Variants in EPS15L1 observed in about 807,000 individuals in gnomAD.
EPS15L1 encodes the protein epidermal growth factor receptor substrate 15-like 1.
A neutral mutation model predicts 117.1 loss-of-function variants in EPS15L1; 43 were observed. That is an observed-to-expected ratio of 0.37 (90% CI 0.29 to 0.47). The LOEUF is 0.47. EPS15L1 is among the 20% of genes least tolerant of loss of function. The pLI, the probability that EPS15L1 is intolerant of heterozygous loss-of-function variation, is 0.99. For synonymous variants in EPS15L1, 459 were observed against 470.5 expected, an observed-to-expected ratio of 0.98 and a Z score of 0.32; for missense variants, 981 against 1,164.0, an observed-to-expected ratio of 0.84 and a Z score of 2.29.
Position 16,375,382 on chromosome 19 carries a change from A to G in EPS15L1, c.2380+1740T>C, listed in dbSNP as rs115358821. 7.9e-3 allele frequency among the ~76,000 whole-genome samples: 1,200 copies of G among 152,156 alleles called. 12 individuals carry two copies. The highest frequency in any genetic ancestry group is 0.028 in the African/African-American group (1,159 of 41,570). On this transcript the variant is annotated intron_variant, in intron 22 of 23. Coordinates refer to ENST00000455140, the MANE Select transcript of EPS15L1 (RefSeq NM_001258374.3). ...AGAGCATACACGTGTACGTGCACAT[A>G]CATGCATAAAAATACATGGCCGCAC...
chr19:16,411,669 CAT>C (rs1334347240), intron 13 of EPS15L1, among the ~76,000 whole-genome samples: 1 of 152,196 alleles, frequency 6.6e-6, no homozygotes, highest in Non-Finnish European at 1.5e-5. Context: ...ATAACCTACA[CAT>C]GTCCCCTACC....
At chr19:16,431,611 A>G (rs148354438) in intron 7 of EPS15L1, among the ~76,000 whole-genome samples, 1 of 152,286 alleles carries the variant, frequency 6.6e-6, no homozygotes, top group African/African-American at 2.4e-5. Flanking sequence ...CAGAAGGAAT[A>G]AGTTCTAAAG....
chr19:16,401,704 G>C (rs74394451), intron 16 of EPS15L1: 9 of 985,406 alleles, frequency 9.1e-6, no homozygotes, highest in Non-Finnish European at 1.1e-5. Context: ...AAATGTAAGG[G>C]GCCGACAGTC....
chr19:16,414,646 G>A (rs1039930796), intron 12 of EPS15L1, among the ~76,000 whole-genome samples: 5 of 151,522 alleles, frequency 3.3e-5, no homozygotes, highest in Non-Finnish European at 5.9e-5. Flanking sequence ...TGATCCGCCC[G>A]CCTCAGCCTC....
At chr19:16,375,312 G>A (rs2092280698) in intron 22 of EPS15L1, among the ~76,000 whole-genome samples, 1 of 151,990 alleles carries the variant, frequency 6.6e-6, no homozygotes, top group South Asian at 2.1e-4. Flanking sequence ...GCATGTGTCT[G>A]CAGGCGTGGA....
intron 23 of EPS15L1, among the ~76,000 whole-genome samples, chr19:16,359,849 C>T (rs1240366856): frequency 1.3e-5 from 2 of 150,642 alleles, no homozygotes; most frequent in Non-Finnish European, 2.9e-5. Flanking sequence ...GGCAACAGAG[C>T]GAGACTCATC....
In EPS15L1 at chr19:16,404,815, G is replaced by A. The variant is rs1040578655; in HGVS notation, c.1267-66C>T. ...ATGAAGCATGTCCAAGATAACGGGG[G>A]GCAGCCTGGGCCAGAAGTCCAGGGG... On this transcript the variant is annotated intron_variant, in intron 13 of 23. Transcript: ENST00000455140. The surrounding 1 kb of genome is among the most constrained non-coding windows in gnomAD (Gnocchi z 4.2). 6.4e-7 allele frequency: 1 copy of A among 1,565,530 alleles called. No homozygotes were observed. The highest frequency in any genetic ancestry group is 1.2e-5 in the South Asian group (1 of 86,770).
chr19:16,381,246 G>A lies in EPS15L1; in HGVS notation c.2247+3883C>T, dbSNP rs774248284. The stretch of plus-strand genomic sequence containing the variant: ...TCAGCACCTCTGCCTTACACACAAG[G>A]AAACTGAGGCACACAAAGGAGGCGC... On this transcript the variant is annotated intron_variant, in intron 21 of 23. Transcript: ENST00000455140. This position sits in a 1 kb window ranked among gnomAD's most constrained non-coding sequence, Gnocchi z 4.2. Among the ~76,000 whole-genome samples the A allele has an allele frequency of 4.6e-5, 7 of 152,266 alleles. No homozygotes were observed. The highest frequency in any genetic ancestry group is 7.3e-5 in the Non-Finnish European group (5 of 68,042).
At chr19:16,363,690 C>T (rs1372987380) in intron 22 of EPS15L1, among the ~76,000 whole-genome samples, 2 of 152,192 alleles carry the variant, frequency 1.3e-5, no homozygotes, top group South Asian at 2.1e-4. Context: ...AACAAGGTGA[C>T]ATTCCTGGGG....
rs369450961 is a variant in EPS15L1 at position 16,422,229 on chromosome 19, G to A, written c.793-753C>T. 7.2e-5 allele frequency among the ~76,000 whole-genome samples: 11 copies of A among 152,262 alleles called. No homozygotes were observed. In the East Asian group the frequency reaches 2.1e-3, roughly 30 times the overall value. On this transcript the variant is annotated intron_variant, in intron 9 of 23. Transcript: ENST00000455140. ...CACAGTTAACTTGAGAGAGGCAAAC[G>A]CCATCATGGGTCAACCAGGGCCCGG...
At chr19:16,450,931 AG>A (rs1392732330) in intron 1 of EPS15L1, among the ~76,000 whole-genome samples, 1 of 152,004 alleles carries the variant, frequency 6.6e-6, no homozygotes, top group Non-Finnish European at 1.5e-5. Flanking sequence ...GTTGCTTCAG[AG>A]GAAACTGGAT....
chr19:16,381,711 C>T lies in EPS15L1; in HGVS notation c.2247+3418G>A, dbSNP rs567022301. ...CATGAGGGGCAGTGTCGGCCTGCAG[C>T]TTAGCTTTAAAATGGGCCGTTTAGG... On this transcript the variant is annotated intron_variant, in intron 21 of 23. Transcript: ENST00000455140. The surrounding 1 kb of genome is among the most constrained non-coding windows in gnomAD (Gnocchi z 4.2). Among the ~76,000 whole-genome samples the T allele has an allele frequency of 2.6e-5, 4 of 152,312 alleles. No individual in the cohort carries two copies. The South Asian group carries it at 8.3e-4, about 32-fold the overall frequency.
intron 7 of EPS15L1, among the ~76,000 whole-genome samples, chr19:16,430,979 C>T (rs1288574261): frequency 1.3e-5 from 2 of 152,160 alleles, no homozygotes; most frequent in African/African-American, 2.4e-5. Context: ...TCACGACTGT[C>T]ATCCATCCCA....
chr19:16,395,528 G>A (rs549788157), intron 16 of EPS15L1, 61 bp from the exon 17 acceptor site: 67 of 1,524,008 alleles, frequency 4.4e-5, no homozygotes, highest in Middle Eastern at 3.5e-4. Flanking sequence ...AGCAAAGTAC[G>A]GAATTCCATA....
In EPS15L1 at chr19:16,355,815, G is replaced by A. The variant is rs914928594; in HGVS notation, c.2623C>T (p.Arg875Trp). 9 of 1,536,134 alleles carry A rather than the reference G, an allele frequency of 5.9e-6. No individual in the cohort carries two copies. Among genetic ancestry groups the A allele is most frequent in the Admixed American group, 2.0e-5 (1 of 51,004 alleles). ...NEEQQLAWAK[R>W]ESEKAEQERL... ...TCCTGTTCCGCCTTCTCGCTCTCCC[G>A]CTTGGCCCACGCCAGCTGCTGCTCC... is the stretch of plus-strand genomic sequence containing the variant. Residue 875 changes from arginine to tryptophan, a missense_variant, in exon 24 of 24, where the codon CGG becomes TGG. Around this residue, in one of 5 missense-constraint regions of EPS15L1, gnomAD observed 819 missense variants for 949.0 expected, o/e 0.86. Coordinates refer to ENST00000455140, the MANE Select transcript of EPS15L1 (RefSeq NM_001258374.3).
At chr19:16,436,710 C>G in intron 6 of EPS15L1, 1 of 454,148 alleles carries the variant, frequency 2.2e-6, no homozygotes, top group Non-Finnish European at 3.9e-6. Context: ...TAGGCAACTC[C>G]CAATTCCAGT....
intron 10 of EPS15L1, among the ~76,000 whole-genome samples, chr19:16,419,383 C>G (rs1184294592): frequency 6.6e-6 from 1 of 152,078 alleles, no homozygotes; most frequent in African/African-American, 2.4e-5. Flanking sequence ...CACTTGAACC[C>G]AGGAGGCAGA....
At chr19:16,413,413 C>T in intron 13 of EPS15L1, 1 of 724,172 alleles carries the variant, frequency 1.4e-6, no homozygotes, top group Non-Finnish European at 2.4e-6. Context: ...GACAAGGCCA[C>T]CTTTGATGCC....
At chr19:16,414,486 C>T (rs1204011019) in intron 12 of EPS15L1, among the ~76,000 whole-genome samples, 2 of 151,000 alleles carry the variant, frequency 1.3e-5, no homozygotes, top group African/African-American at 2.4e-5. Context: ...CTGCATCCTC[C>T]GCCTCCCCAG....
Sources: allele counts gnomAD v4.1 joint callset (sites outside exome capture counted in the v4.1 genomes callset), GRCh38; gene constraint gnomAD v4.1.1; regional missense constraint gnomAD v4.1.1; non-coding constraint Gnocchi (gnomAD v3.1); transcripts MANE v1.5; gene names NCBI Gene and HGNC (gene_info 2026-07-23, HGNC 2026-07-21).